The following FNDC3B variants were observed in gnomAD, a reference collection of about 807,000 sequenced individuals.
FNDC3B encodes fibronectin type III domain-containing protein 3B.
FNDC3B carries 12 observed loss-of-function variants against 151.5 expected under a neutral mutation model. The observed-to-expected ratio is 0.08, with a 90% CI of 0.05 to 0.13. The LOEUF (loss-of-function observed/expected upper bound fraction) is 0.13, where lower values mean the gene tolerates loss of function less well. FNDC3B is among the 10% of genes least tolerant of loss of function. The pLI is 1.00. For synonymous variants in FNDC3B, 528 were observed against 549.0 expected (o/e 0.96, Z 0.54); for missense variants, 1,214 against 1,505.3 (o/e 0.81, Z 3.20).
In FNDC3B at chr3:172,285,964, T is replaced by G; in HGVS notation, c.829T>G (p.Ser277Ala). 6.2e-7 allele frequency: 1 copy of G among 1,612,832 alleles called. No homozygotes were observed. The highest frequency in any genetic ancestry group is 8.5e-7 in the Non-Finnish European group (1 of 1,179,222). The change falls in exon 7 of 26, where the codon TCG becomes GCG. Residue 277 changes from serine (S) to alanine (A), a missense_variant. Transcript: ENST00000415807. Reference protein sequence around the residue: ...LEVKRVQDILSGIEKPQVSNI... With the variant: ...LEVKRVQDILAGIEKPQVSNI... Reference sequence around the variant, plus strand: ...AGTAAAGAGGGTGCAAGACATTCTTTCGGGAATAGAGAAACCACAGGTATG... The same window carrying G: ...AGTAAAGAGGGTGCAAGACATTCTTGCGGGAATAGAGAAACCACAGGTATG...
intron 4 of FNDC3B, among the ~76,000 whole-genome samples, chr3:172,228,398 T>A (rs999266741): frequency 1.3e-5 from 2 of 152,254 alleles, no homozygotes; most frequent in African/African-American, 4.8e-5. Flanking sequence ...TAACACCTCC[T>A]TTTATGCTAA....
intron 1 of FNDC3B, among the ~76,000 whole-genome samples, chr3:172,103,415 A>G (rs922717153): frequency 2.0e-5 from 3 of 152,074 alleles, no homozygotes; most frequent in Non-Finnish European, 4.4e-5. Context: ...CATAATCCTT[A>G]TATATATGGA....
At chr3:172,102,187 C>T (rs1281380181) in intron 1 of FNDC3B, among the ~76,000 whole-genome samples, 1 of 152,132 alleles carries the variant, frequency 6.6e-6, no homozygotes, top group East Asian at 1.9e-4. Flanking sequence ...CTTTCTGAGT[C>T]TCTTTGGGAA....
chr3:172,050,700 CGTGTGTGTGTGTGTGTGT>C (rs71975191), intron 1 of FNDC3B, among the ~76,000 whole-genome samples: 3 of 144,992 alleles, frequency 2.1e-5, no homozygotes, highest in Admixed American at 6.9e-5. Context: ...GGTATATTTT[CGTGTGTGTGTGTGTGTGT>C]GTGTGTGTGT....
At chr3:172,351,683 AC>A (rs1035991332) in intron 21 of FNDC3B, among the ~76,000 whole-genome samples, 15 of 152,220 alleles carry the variant, frequency 9.9e-5, no homozygotes, top group Non-Finnish European at 2.2e-4. Flanking sequence ...CATTAGAATA[AC>A]CAGATGGGAG....
intron 2 of FNDC3B, among the ~76,000 whole-genome samples, chr3:172,116,795 A>G (rs140031638): frequency 3.9e-4 from 60 of 152,226 alleles, no homozygotes; most frequent in African/African-American, 1.3e-3. Context: ...TGAACTCCTG[A>G]CCTCAAGTGA....
At chr3:172,237,870 C>T (rs1727247691) in intron 4 of FNDC3B, among the ~76,000 whole-genome samples, 1 of 152,176 alleles carries the variant, frequency 6.6e-6, no homozygotes, top group Non-Finnish European at 1.5e-5. Context: ...AAGTACTCTG[C>T]AGGATAATCT....
intron 23 of FNDC3B, among the ~76,000 whole-genome samples, chr3:172,375,330 G>T (rs1354441015): frequency 6.6e-6 from 1 of 152,150 alleles, no homozygotes; most frequent in Non-Finnish European, 1.5e-5. Context: ...GCCCCAAAAG[G>T]ACAGGGTACA....
intron 3 of FNDC3B, among the ~76,000 whole-genome samples, chr3:172,192,814 A>G (rs761874357): frequency 3.3e-5 from 5 of 152,116 alleles, no homozygotes; most frequent in Non-Finnish European, 7.3e-5. Flanking sequence ...TGACTTTAGT[A>G]AAAAGGCTTT....
intron 23 of FNDC3B, among the ~76,000 whole-genome samples, chr3:172,374,540 A>G (rs947579084): frequency 6.6e-6 from 1 of 152,100 alleles, no homozygotes; most frequent in Non-Finnish European, 1.5e-5. Context: ...GACTACAGGC[A>G]CGCATCACCA....
intron 3 of FNDC3B, among the ~76,000 whole-genome samples, chr3:172,145,811 C>CTTTTTTTTTTTTTTTTTTTTTTTTTTTT (rs34361134): frequency 8.8e-6 from 1 of 114,176 alleles, no homozygotes; most frequent in African/African-American, 3.5e-5. Context: ...AGGTTTCTTT[C>CTTTTTTTTTTTTTTTTTTTTTTTTTTTT]TTTTTTTTTT....
chr3:172,283,069 G>A (rs912730975), intron 6 of FNDC3B, among the ~76,000 whole-genome samples: 3 of 152,200 alleles, frequency 2.0e-5, no homozygotes, highest in Non-Finnish European at 4.4e-5. Flanking sequence ...GCATAGATGA[G>A]CACGTATGTA....
At chr3:172,181,268 CGT>C (rs1006314834) in intron 3 of FNDC3B, among the ~76,000 whole-genome samples, 2 of 151,264 alleles carry the variant, frequency 1.3e-5, no homozygotes, top group Admixed American at 6.6e-5. Flanking sequence ...GGTGTGGTGG[CGT>C]GTGGTCCCAG....
chr3:172,202,134 A>T (rs1176705301), intron 3 of FNDC3B, among the ~76,000 whole-genome samples: 2 of 152,202 alleles, frequency 1.3e-5, no homozygotes, highest in African/African-American at 4.8e-5. Context: ...TTCCAGACTG[A>T]GTTGAGTCGG....
At chr3:172,170,885 G>A (rs1723246299) in intron 3 of FNDC3B, among the ~76,000 whole-genome samples, 1 of 152,142 alleles carries the variant, frequency 6.6e-6, no homozygotes, top group African/African-American at 2.4e-5. Flanking sequence ...AAACCTTTGA[G>A]CCACCTTTAT....
intron 9 of FNDC3B, chr3:172,302,313 T>A (rs937837215): frequency 6.6e-6 from 1 of 152,272 alleles, no homozygotes; most frequent in Non-Finnish European, 1.5e-5. Context: ...GCCTGGTAGT[T>A]GCCTTCAGTT....
intron 3 of FNDC3B, among the ~76,000 whole-genome samples, chr3:172,215,613 A>G (rs1256537292): frequency 6.6e-6 from 1 of 152,146 alleles, no homozygotes; most frequent in Admixed American, 6.5e-5. Flanking sequence ...AATCCCAGCT[A>G]CTCGGGAGGC....
rs959836900 is a variant in FNDC3B at position 172,121,993 on chromosome 3, T to C, written c.111+9403T>C. ...ATGTTGAATGTGATGTGATAGCTAC[T>C]GATGTATCTCATAGTACAGTAAAAG... On this transcript the variant is annotated intron_variant, in intron 2 of 25. Transcript: ENST00000415807. Among the ~76,000 whole-genome samples the C allele has an allele frequency of 8.5e-5, 13 of 152,158 alleles. No homozygotes were observed. In the East Asian group the frequency reaches 1.9e-3, roughly 23 times the overall value.
chr3:172,068,974 G>A (rs1717640110), intron 1 of FNDC3B, among the ~76,000 whole-genome samples: 1 of 152,160 alleles, frequency 6.6e-6, no homozygotes, highest in Admixed American at 6.5e-5. Context: ...GTGGACTTAG[G>A]GTTTGTAGCC....
Sources: gnomAD v4.1 joint callset for allele counts (sites outside exome capture counted in the v4.1 genomes callset) on GRCh38, gnomAD v4.1.1 for gene constraint, MANE v1.5 for transcripts, NCBI Gene and HGNC (gene_info 2026-07-23, HGNC 2026-07-21) for gene names.